DCUN1D3: variants seen among roughly 807,000 people sequenced by gnomAD.
DCUN1D3 encodes defective in cullin neddylation 1 domain containing 3, also known as DCN1-like protein 3.
A neutral mutation model predicts 24.8 loss-of-function variants in DCUN1D3; 6 were observed. The ratio of observed to expected loss-of-function variants is 0.24; its 90% CI spans 0.13 to 0.48. The LOEUF (loss-of-function observed/expected upper bound fraction) is 0.48. Among genes scored for constraint, DCUN1D3 ranks in the 20% least tolerant of loss-of-function variants. The pLI is 0.99. For synonymous variants in DCUN1D3, 120 were observed against 144.9 expected, an observed-to-expected ratio of 0.83 and a Z score of 1.24; for missense variants, 258 against 379.4, an observed-to-expected ratio of 0.68 and a Z score of 2.66.
chr16:20,863,643 G>A (rs2081744934), intron 1 of DCUN1D3, among the ~76,000 whole-genome samples: 1 of 152,132 alleles, frequency 6.6e-6, no homozygotes, highest in Non-Finnish European at 1.5e-5. Context: ...CTACAAGGGA[G>A]GCTCAGGTGG....
intron 1 of DCUN1D3, among the ~76,000 whole-genome samples, chr16:20,867,118 A>G (rs62033354): frequency 0.16 from 24,166 of 152,262 alleles, 2,610 homozygotes; most frequent in East Asian, 0.43. Flanking sequence ...TACTCATCAC[A>G]GCCTCATTTA....
chr16:20,866,546 G>A (rs1003255050), intron 1 of DCUN1D3, among the ~76,000 whole-genome samples: 34 of 152,190 alleles, frequency 2.2e-4, no homozygotes, highest in Admixed American at 2.0e-3. Flanking sequence ...TCCCAAAGAG[G>A]CCCTAATCCC....
At chr16:20,861,887 A>G (rs9930315) in intron 2 of DCUN1D3, among the ~76,000 whole-genome samples, 95,638 of 152,048 alleles carry the variant, frequency 0.63, 31,075 homozygotes, top group Non-Finnish European at 0.72. Flanking sequence ...GCAGAGCCAG[A>G]GAGATATATT....
chr16:20,862,444 C>T lies in DCUN1D3; in HGVS notation c.95G>A (p.Arg32Lys), dbSNP rs1184418335. The change falls in exon 2 of 3, where the codon AGG (arginine) becomes AAG (lysine). Residue 32 changes from arginine to lysine, a missense_variant. Transcript: ENST00000324344. The part of the protein sequence containing the change: ...REPSNKSHSR[R>K]GAGHREEQVP... The stretch of plus-strand genomic sequence containing the variant: ...CTGCTCCTCACGGTGGCCTGCACCC[C>T]TCCTGCTATGTGACTTGTTGCTGGG... 3.7e-6 allele frequency: 6 copies of T among 1,613,744 alleles called. No individual in the cohort carries two copies. Among genetic ancestry groups the T allele is most frequent in the Admixed American group, 1.7e-5 (1 of 60,022 alleles).
intron 1 of DCUN1D3, among the ~76,000 whole-genome samples, chr16:20,875,215 C>G (rs1467211346): frequency 2.9e-5 from 2 of 68,070 alleles, no homozygotes; most frequent in African/African-American, 9.9e-5. Context: ...CTCATGCACA[C>G]ACACACACAC....
In DCUN1D3 at chr16:20,859,741, A is replaced by AT. The variant is rs1204518656; in HGVS notation, c.*144dup. ...GAAAGTGCCTAAAACATGATACAGC[A>AT]TTTTAGAGCCCTTTCAGATACAAGG... On this transcript the variant is annotated 3_prime_UTR_variant, in exon 3 of 3. Coordinates refer to ENST00000324344, the MANE Select transcript of DCUN1D3 (RefSeq NM_173475.4). 2 of 1,155,530 alleles carry AT rather than the reference A, an allele frequency of 1.7e-6. No individual in the cohort carries two copies. The highest frequency in any genetic ancestry group is 2.4e-6 in the Non-Finnish European group (2 of 849,214). 71.6% of individuals were successfully genotyped at this position (1,155,530 alleles called of 1,614,324 possible).
chr16:20,873,451 G>C (rs1005994236), intron 1 of DCUN1D3, among the ~76,000 whole-genome samples: 3 of 152,170 alleles, frequency 2.0e-5, no homozygotes, highest in Non-Finnish European at 4.4e-5. Context: ...GGAGCAAGAG[G>C]CTCATTCAAA....
Position 20,855,580 on chromosome 16 carries a change from G to A in DCUN1D3, c.*4306C>T, listed in dbSNP as rs1456914157. ...ATCAGAAGCAGAACCCAATGGTTAT[G>A]CAAAGCTATTTGAACTATTTTGGCT... On this transcript the variant is annotated 3_prime_UTR_variant, in exon 3 of 3. Coordinates refer to ENST00000324344, the MANE Select transcript of DCUN1D3 (RefSeq NM_173475.4). 6.6e-6 allele frequency: 1 copy of A among 152,214 alleles called. No individual in the cohort carries two copies. Among genetic ancestry groups the A allele is most frequent in the Non-Finnish European group, 1.5e-5 (1 of 68,044 alleles). 9.4% of individuals were successfully genotyped at this position (152,214 alleles called of 1,614,324 possible).
At chr16:20,885,928 C>A (rs148524834) in intron 1 of DCUN1D3, among the ~76,000 whole-genome samples, 153 of 152,246 alleles carry the variant, frequency 1.0e-3, no homozygotes, top group East Asian at 8.5e-3. Context: ...CCCACCCCAA[C>A]AGAACAAGTC....
At chr16:20,885,893 T>C (rs1334110170) in intron 1 of DCUN1D3, among the ~76,000 whole-genome samples, 6 of 152,066 alleles carry the variant, frequency 3.9e-5, no homozygotes, top group Non-Finnish European at 5.9e-5. Flanking sequence ...CTGGCTTGGG[T>C]TCAAGAAGCA....
rs2152515840 is a variant in DCUN1D3, at chr16:20,860,885, C to A, written c.432-516G>T. ...AGATCAAAATTCTATTATTAAAAAA[C>A]AAAAATTATGTATGTATTTTTAACA... On this transcript the variant is annotated intron_variant, in intron 2 of 2. Transcript: ENST00000324344. This position sits in a 1 kb window ranked among gnomAD's most constrained non-coding sequence, Gnocchi z 4.3. Among the ~76,000 whole-genome samples the A allele has an allele frequency of 6.6e-6, 1 of 152,336 alleles. No individual in the cohort carries two copies. Among genetic ancestry groups the A allele is most frequent in the Admixed American group, 6.5e-5 (1 of 15,304 alleles).
rs537070804 is a variant in DCUN1D3, at chr16:20,856,978, G to C, written c.*2908C>G. ...CAAGGAGTGTACTGGCTTATCTGAG[G>C]GGCATGCATTCAGCCTCTTACACAG... On this transcript the variant is annotated 3_prime_UTR_variant, in exon 3 of 3. Transcript: ENST00000324344. 1 of 152,254 alleles carries C rather than the reference G, an allele frequency of 6.6e-6. No individual in the cohort carries two copies. The highest frequency in any genetic ancestry group is 2.1e-4 in the South Asian group (1 of 4,822). 9.4% of individuals were successfully genotyped at this position (152,254 alleles called of 1,614,324 possible).
At position 20,856,533 on chromosome 16, in the gene DCUN1D3, GGCC is replaced by G. The variant is rs1381760247; in HGVS notation, c.*3350_*3352del. 1 of 151,984 alleles carries G rather than the reference GGCC, an allele frequency of 6.6e-6. No individual in the cohort carries two copies. The highest frequency in any genetic ancestry group is 1.5e-5 in the Non-Finnish European group (1 of 68,008). 9.4% of individuals were successfully genotyped at this position (151,984 alleles called of 1,614,324 possible). On this transcript the variant is annotated 3_prime_UTR_variant, in exon 3 of 3. Transcript: ENST00000324344. ...TACATTTTCAATTGTTATTTTCCTGGGCCCAGGGGTTTGGTTAAAATTTAGATC... is the reference window on the plus strand; with the variant it reads ...TACATTTTCAATTGTTATTTTCCTGGCAGGGGTTTGGTTAAAATTTAGATC...
In DCUN1D3 at chr16:20,856,094, CACCTTTTGG is replaced by C. The variant is rs2081701647; in HGVS notation, c.*3783_*3791del. On this transcript the variant is annotated 3_prime_UTR_variant, in exon 3 of 3. Transcript: ENST00000324344. Reference sequence around the variant, plus strand: ...CCTTATAATTGCATAACTGAGTCTACACCTTTTGGGCTTTGCTGCACTGAAGACCTCATT... The same window carrying C: ...CCTTATAATTGCATAACTGAGTCTACGCTTTGCTGCACTGAAGACCTCATT... The C allele has an allele frequency of 6.6e-6, 1 of 152,230 alleles. No homozygotes were observed. Among genetic ancestry groups the C allele is most frequent in the Non-Finnish European group, 1.5e-5 (1 of 68,044 alleles). 9.4% of individuals were successfully genotyped at this position (152,230 alleles called of 1,614,324 possible). A position where few individuals can be genotyped will look rare whatever the true frequency, so the allele number is the denominator to read the frequency against.
At chr16:20,894,795 G>A (rs753346617) in intron 1 of DCUN1D3, among the ~76,000 whole-genome samples, 2 of 152,162 alleles carry the variant, frequency 1.3e-5, no homozygotes, top group Non-Finnish European at 2.9e-5. Flanking sequence ...CTGTTCTGAT[G>A]TATGGTATTT....
chr16:20,893,177 T>C (rs2081899829), intron 1 of DCUN1D3, among the ~76,000 whole-genome samples: 1 of 152,110 alleles, frequency 6.6e-6, no homozygotes, highest in African/African-American at 2.4e-5. Context: ...CTCATCTTTT[T>C]TTTTTTTTTT....
intron 1 of DCUN1D3, 134 bp from the exon 2 acceptor site, chr16:20,862,777 A>G: frequency 3.6e-6 from 3 of 833,082 alleles, no homozygotes; most frequent in African/African-American, 1.7e-5. Flanking sequence ...CCCTGAGTTC[A>G]TCATCCCCTT....
chr16:20,876,622 AAATC>A (rs2081816979), intron 1 of DCUN1D3, among the ~76,000 whole-genome samples: 1 of 152,080 alleles, frequency 6.6e-6, no homozygotes. Context: ...AAAGGAAAGA[AAATC>A]AATATACTGG....
chr16:20,899,150 T>C (rs994439940), intron 1 of DCUN1D3, among the ~76,000 whole-genome samples: 7 of 151,804 alleles, frequency 4.6e-5, no homozygotes, highest in East Asian at 1.9e-4. Flanking sequence ...TGTCCAATTG[T>C]AGAAACAAAA....
Sources: gnomAD v4.1 joint callset for allele counts (sites outside exome capture counted in the v4.1 genomes callset) on GRCh38, gnomAD v4.1.1 for gene constraint, Gnocchi (gnomAD v3.1) non-coding constraint, MANE v1.5 for transcripts, NCBI Gene and HGNC (gene_info 2026-07-23, HGNC 2026-07-21) for gene names.